Variants in SHANK2 observed in about 807,000 individuals in gnomAD.
SHANK2 encodes the protein SH3 and multiple ankyrin repeat domains protein 2.
Under a neutral mutation model 133.7 loss-of-function variants are expected in SHANK2, and 43 were observed. The ratio of observed to expected loss-of-function variants is 0.32; its 90% CI spans 0.25 to 0.41. The LOEUF (loss-of-function observed/expected upper bound fraction) is 0.41. Among genes scored for constraint, SHANK2 ranks in the 10% least tolerant of loss-of-function variants. The pLI, the probability that SHANK2 is intolerant of heterozygous loss-of-function variation, is 1.00. For synonymous variants in SHANK2, 1,017 were observed against 952.8 expected (o/e 1.07, Z -1.24); for missense variants, 1,994 against 2,235.8 (o/e 0.89, Z 2.18).
intron 17 of SHANK2, among the ~76,000 whole-genome samples, chr11:70,553,819 G>C (rs550759606): frequency 6.6e-6 from 1 of 152,168 alleles, no homozygotes; most frequent in Non-Finnish European, 1.5e-5. Context: ...CCCTATATTA[G>C]TTAACACCCC....
Position 70,486,135 on chromosome 11 carries a change from A to G in SHANK2, c.4158T>C (p.Ile1386=), listed in dbSNP as rs782179016. The change falls in exon 25 of 26, where the codon ATT becomes ATC. Residue 1386 remains isoleucine, a synonymous_variant. Coordinates refer to ENST00000601538, the MANE Select transcript of SHANK2 (RefSeq NM_012309.5). This position sits in a 1 kb window ranked among gnomAD's most constrained non-coding sequence, Gnocchi z 8.0. The stretch of plus-strand genomic sequence containing the variant: ...GGGGAGGAGGGATGCGGAATGGCAA[A>G]ATCACCGCCTCTTCCATGGAGCCCA... ...VAVGSMEEAV[I]LPFRIPPPPL... 1 of 1,611,524 alleles carries G rather than the reference A, an allele frequency of 6.2e-7. No individual in the cohort carries two copies. Among genetic ancestry groups the G allele is most frequent in the Non-Finnish European group, 8.5e-7 (1 of 1,177,790 alleles).
intron 13 of SHANK2, among the ~76,000 whole-genome samples, chr11:70,805,639 C>T (rs1056471250): frequency 3.3e-5 from 5 of 152,154 alleles, no homozygotes; most frequent in Admixed American, 6.5e-5. Flanking sequence ...GCAATTACAC[C>T]AACCTACAGT....
chr11:70,723,037 C>G (rs1555029599), intron 14 of SHANK2, among the ~76,000 whole-genome samples: 1 of 152,158 alleles, frequency 6.6e-6, no homozygotes, highest in Admixed American at 6.5e-5. Context: ...GACTTTTTTA[C>G]AAAGCACCGT....
chr11:71,147,398 G>GTGTCCACCGTGCCCCT, intron 2 of SHANK2, 60 bp from the exon 3 acceptor site: 2 of 1,399,598 alleles, frequency 1.4e-6, no homozygotes, highest in Non-Finnish European at 1.9e-6. Context: ...AGAAAACCCA[G>GTGTCCACCGTGCCCCT]GGGCACGGTG....
At chr11:70,786,568 C>T (rs1947658973) in intron 14 of SHANK2, among the ~76,000 whole-genome samples, 2 of 152,288 alleles carry the variant, frequency 1.3e-5, no homozygotes, top group South Asian at 2.1e-4. Flanking sequence ...CATATAAATC[C>T]AACTTACAGA....
At chr11:71,085,066 GC>G (rs1951359986) in intron 8 of SHANK2, among the ~76,000 whole-genome samples, 1 of 152,072 alleles carries the variant, frequency 6.6e-6, no homozygotes, top group African/African-American at 2.4e-5. Flanking sequence ...TCTGTCATGT[GC>G]CTGGAAGGGT....
intron 14 of SHANK2, among the ~76,000 whole-genome samples, chr11:70,754,635 A>G (rs1201283978): frequency 3.9e-5 from 6 of 152,216 alleles, no homozygotes; most frequent in Non-Finnish European, 7.3e-5. Flanking sequence ...TTGGGTTCTG[A>G]GTAGCCTGGC....
At chr11:71,083,985 G>GGGC (rs1951341114) in intron 8 of SHANK2, among the ~76,000 whole-genome samples, 1 of 149,712 alleles carries the variant, frequency 6.7e-6, no homozygotes, top group Non-Finnish European at 1.5e-5. Flanking sequence ...TTTTTGGGGG[G>GGGC]GGGAGACAGA....
intron 17 of SHANK2, among the ~76,000 whole-genome samples, chr11:70,516,750 A>T (rs781953648): frequency 6.6e-6 from 1 of 152,240 alleles, no homozygotes; most frequent in Non-Finnish European, 1.5e-5. Flanking sequence ...GAACTCTTAC[A>T]TCTCAACAGT....
intron 17 of SHANK2, among the ~76,000 whole-genome samples, chr11:70,584,486 G>A (rs1470028263): frequency 2.1e-4 from 32 of 151,350 alleles, no homozygotes; most frequent in African/African-American, 7.1e-4. Context: ...TCCTCTATCC[G>A]GGTCCCATGC....
chr11:70,494,771 G>A (rs1016547446), intron 21 of SHANK2, among the ~76,000 whole-genome samples: 2 of 152,172 alleles, frequency 1.3e-5, no homozygotes, highest in Admixed American at 6.5e-5. Flanking sequence ...TTCACGCAAA[G>A]CAAGAAAGCC....
In SHANK2 at chr11:71,252,013, G is replaced by A. The variant is rs1948191709; in HGVS notation, c.-113+412C>T. ...GCTGGCGGGCGGTGACCCGGGGCAAGGAGACCCCGGGAGAGCGGGGGAGGT... is the reference window on the plus strand; with the variant it reads ...GCTGGCGGGCGGTGACCCGGGGCAAAGAGACCCCGGGAGAGCGGGGGAGGT... On this transcript the variant is annotated intron_variant, in intron 1 of 25. Transcript: ENST00000601538. This position sits in a 1 kb window ranked among gnomAD's most constrained non-coding sequence, Gnocchi z 6.3. Among the ~76,000 whole-genome samples the A allele has an allele frequency of 6.6e-6, 1 of 152,170 alleles. No homozygotes were observed. Among genetic ancestry groups the A allele is most frequent in the Non-Finnish European group, 1.5e-5 (1 of 68,006 alleles).
chr11:70,716,696 G>T (rs953013033), intron 14 of SHANK2, among the ~76,000 whole-genome samples: 33 of 152,104 alleles, frequency 2.2e-4, no homozygotes, highest in Non-Finnish European at 3.7e-4. Context: ...CCAACACGGG[G>T]CACCCCCAAA....
intron 14 of SHANK2, among the ~76,000 whole-genome samples, chr11:70,747,688 CAT>C (rs1351182595): frequency 7.9e-5 from 12 of 152,178 alleles, no homozygotes; most frequent in East Asian, 3.9e-4. Context: ...TGTGTGTGCA[CAT>C]GAGTATGTAT....
At position 71,188,604 on chromosome 11, in the gene SHANK2, C is replaced by G. The variant is rs1953722945; in HGVS notation, c.-13+36093G>C. On this transcript the variant is annotated intron_variant, in intron 2 of 25. Transcript: ENST00000601538. This position sits in a 1 kb window ranked among gnomAD's most constrained non-coding sequence, Gnocchi z 4.6. ...TGGCAACCAGGTACAGCCGTGAAGA[C>G]AATGAAATTCACTGTGCCTATAACC... Among the ~76,000 whole-genome samples, 1 of 152,334 alleles carries G rather than the reference C, an allele frequency of 6.6e-6. No individual in the cohort carries two copies. Among genetic ancestry groups the G allele is most frequent in the South Asian group, 2.1e-4 (1 of 4,830 alleles).
chr11:70,659,471 T>C (rs943552251), intron 17 of SHANK2, among the ~76,000 whole-genome samples: 16 of 152,190 alleles, frequency 1.1e-4, no homozygotes, highest in Non-Finnish European at 7.3e-5. Flanking sequence ...GAAGGGACGA[T>C]GACTCCTCTT....
intron 21 of SHANK2, among the ~76,000 whole-genome samples, chr11:70,499,688 G>A (rs1336341746): frequency 6.6e-6 from 1 of 152,320 alleles, no homozygotes; most frequent in Non-Finnish European, 1.5e-5. Context: ...CCACATCCTC[G>A]GCGCAGCAGT....
At chr11:70,855,467 T>C (rs534233655) in intron 11 of SHANK2, among the ~76,000 whole-genome samples, 1 of 152,198 alleles carries the variant, frequency 6.6e-6, no homozygotes, top group South Asian at 2.1e-4. Flanking sequence ...TCCAGGCAGG[T>C]CCCCCTTTAG....
chr11:70,685,916 C>T (rs1184701245), intron 15 of SHANK2, among the ~76,000 whole-genome samples: 1 of 152,134 alleles, frequency 6.6e-6, no homozygotes, highest in Admixed American at 6.5e-5. Context: ...TACCCCAAGT[C>T]ACAGATTCAG....
Sources: gnomAD v4.1 joint callset for allele counts (sites outside exome capture counted in the v4.1 genomes callset) on GRCh38, gnomAD v4.1.1 for gene constraint, Gnocchi (gnomAD v3.1) non-coding constraint, MANE v1.5 for transcripts, NCBI Gene and HGNC (gene_info 2026-07-23, HGNC 2026-07-21) for gene names.